Variants in RPTOR observed in about 807,000 individuals in gnomAD.
The protein encoded by RPTOR is regulatory-associated protein of mTOR.
In RPTOR, 21 loss-of-function variants were observed where a neutral mutation model predicts 169.9. The ratio of observed to expected loss-of-function variants is 0.12; its 90% CI spans 0.09 to 0.18. The LOEUF is 0.18. Ranked by LOEUF, RPTOR falls within the 10% of genes least tolerant of loss-of-function variation. RPTOR has a pLI of 1.00. For synonymous variants in RPTOR, 732 were observed against 753.2 expected (o/e 0.97, Z 0.46); for missense variants, 1,133 against 1,855.9 (o/e 0.61, Z 7.16).
At position 80,879,180 on chromosome 17, in the gene RPTOR, C is replaced by T. The variant is rs527419208; in HGVS notation, c.1510-1235C>T. Among the ~76,000 whole-genome samples, 3 of 152,258 alleles carry T rather than the reference C, an allele frequency of 2.0e-5. No homozygotes were observed. The South Asian group carries it at 6.2e-4, about 32-fold the overall frequency. Reference sequence around the variant, plus strand: ...TCCGGGATGAAAACGCAACCCACCTCTTCAGTGGGCAGCCCTCCACTTGGA... The same window carrying T: ...TCCGGGATGAAAACGCAACCCACCTTTTCAGTGGGCAGCCCTCCACTTGGA... On this transcript the variant is annotated intron_variant, in intron 13 of 33. Coordinates refer to ENST00000306801, the MANE Select transcript of RPTOR (RefSeq NM_020761.3).
At chr17:80,875,727 C>T (rs376229816) in intron 13 of RPTOR, among the ~76,000 whole-genome samples, 199 of 150,930 alleles carry the variant, frequency 1.3e-3, no homozygotes, top group East Asian at 8.3e-3. Context: ...CCACCGAGCC[C>T]GTGCCACGCA....
intron 6 of RPTOR, among the ~76,000 whole-genome samples, chr17:80,759,202 A>G (rs1332488906): frequency 6.6e-6 from 1 of 151,942 alleles, no homozygotes; most frequent in Non-Finnish European, 1.5e-5. Context: ...AAAAAAGTAA[A>G]ATAAAGAAGT....
At position 80,860,690 on chromosome 17, in the gene RPTOR, G is replaced by T. The variant is rs1160623038; in HGVS notation, c.1509+2790G>T. Among the ~76,000 whole-genome samples, 2 of 152,054 alleles carry T rather than the reference G, an allele frequency of 1.3e-5. No homozygotes were observed. The highest frequency in any genetic ancestry group is 4.8e-5 in the African/African-American group (2 of 41,398). On this transcript the variant is annotated intron_variant, in intron 13 of 33. Transcript: ENST00000306801. This position sits in a 1 kb window ranked among gnomAD's most constrained non-coding sequence, Gnocchi z 5.8. ...CTCGCTGGTTCCGCTGATTCTTGTA[G>T]ATTCCCTGGGATTTTCTGCTAGTTC... is the stretch of plus-strand genomic sequence containing the variant.
chr17:80,930,329 A>AGC (rs1303237080), intron 24 of RPTOR, among the ~76,000 whole-genome samples: 5 of 59,872 alleles, frequency 8.4e-5, no homozygotes, highest in Non-Finnish European at 1.3e-4. Context: ...AGCTCAGCTC[A>AGC]TCCTCAGCTC....
chr17:80,575,843 C>T (rs1352433125), intron 1 of RPTOR, among the ~76,000 whole-genome samples: 1 of 152,134 alleles, frequency 6.6e-6, no homozygotes, highest in Non-Finnish European at 1.5e-5. Context: ...TGTCTATTCT[C>T]CTTATTAGAC....
Position 80,936,829 on chromosome 17 carries a change from T to C in RPTOR, c.2920-3667T>C, listed in dbSNP as rs11653325. Among the ~76,000 whole-genome samples the C allele has an allele frequency of 0.92, 139,853 of 152,302 alleles. 64,395 individuals are homozygous for C. Among genetic ancestry groups the C allele is most frequent in the African/African-American group, 0.96 (39,957 of 41,572 alleles). On this transcript the variant is annotated intron_variant, in intron 24 of 33. Transcript: ENST00000306801. This position sits in a 1 kb window ranked among gnomAD's most constrained non-coding sequence, Gnocchi z 4.1. ...TAAATGCCTTGTTGAGGAGTGAACG[T>C]GCATAGCAAGCTCCGAGCTTCATTC...
intron 7 of RPTOR, among the ~76,000 whole-genome samples, chr17:80,794,613 A>AT (rs2067082627): frequency 1.3e-5 from 2 of 152,208 alleles, no homozygotes; most frequent in Admixed American, 1.3e-4. Flanking sequence ...CTGTGCGTGA[A>AT]TGTTTACGGT....
chr17:80,774,718 C>T (rs1011668453), intron 6 of RPTOR, among the ~76,000 whole-genome samples: 12 of 152,104 alleles, frequency 7.9e-5, no homozygotes, highest in African/African-American at 2.9e-4. Flanking sequence ...ATGGGGGCGG[C>T]CCCTGGGAAG....
At chr17:80,709,427 C>T (rs1411322902) in intron 4 of RPTOR, among the ~76,000 whole-genome samples, 2 of 152,168 alleles carry the variant, frequency 1.3e-5, no homozygotes, top group Non-Finnish European at 1.5e-5. Flanking sequence ...CTCTCAGGCA[C>T]GGCGAATCCG....
chr17:80,789,134 A>G (rs1423666268), intron 6 of RPTOR, among the ~76,000 whole-genome samples: 1 of 152,216 alleles, frequency 6.6e-6, no homozygotes, highest in Non-Finnish European at 1.5e-5. Flanking sequence ...CTCCCAGCCA[A>G]TAATTATTTT....
intron 25 of RPTOR, 101 bp from the exon 26 acceptor site, chr17:80,945,566 T>C (rs956116546): frequency 7.4e-6 from 5 of 672,512 alleles, no homozygotes; most frequent in Non-Finnish European, 1.2e-5. Flanking sequence ...CACTCCAGCC[T>C]GGGCGACAGA....
chr17:80,918,647 C>G (rs182427422), intron 21 of RPTOR, among the ~76,000 whole-genome samples: 6 of 152,300 alleles, frequency 3.9e-5, no homozygotes, highest in East Asian at 1.9e-4. Context: ...CATTCTAGTT[C>G]TGCTAGCTTT....
chr17:80,894,366 G>C (rs141649759), intron 20 of RPTOR, among the ~76,000 whole-genome samples: 10 of 152,200 alleles, frequency 6.6e-5, no homozygotes. Flanking sequence ...AGGGCCCTGC[G>C]GTCGGGCTGG....
intron 3 of RPTOR, among the ~76,000 whole-genome samples, chr17:80,647,565 G>A (rs1381145649): frequency 6.6e-6 from 1 of 151,444 alleles, no homozygotes; most frequent in Non-Finnish European, 1.5e-5. Context: ...CAGAAGCAGA[G>A]GCCACACCTC....
chr17:80,748,497 T>TTGGA (rs1555614491), intron 5 of RPTOR, among the ~76,000 whole-genome samples: 1 of 87,554 alleles, frequency 1.1e-5, no homozygotes, highest in Admixed American at 1.2e-4. Context: ...GGAGGGCCTG[T>TTGGA]TGGATGGAGG....
At chr17:80,602,239 C>T (rs1236377162) in intron 1 of RPTOR, among the ~76,000 whole-genome samples, 1 of 63,780 alleles carries the variant, frequency 1.6e-5, no homozygotes, top group Admixed American at 1.1e-4. Context: ...GCTGGCCGGT[C>T]GGGGGGCTGA....
Position 80,776,474 on chromosome 17 carries a change from C to T in RPTOR, c.831-14976C>T, listed in dbSNP as rs574671638. On this transcript the variant is annotated intron_variant, in intron 6 of 33. Transcript: ENST00000306801. ...AAGTAGCTGGGACTATAGGTGTGCA[C>T]CACAATGCCCAATACTAATTTTTGT... is the stretch of plus-strand genomic sequence containing the variant. Among the ~76,000 whole-genome samples the T allele has an allele frequency of 3.7e-3, 570 of 152,026 alleles. 7 individuals carry two copies. The highest frequency in any genetic ancestry group is 0.012 in the African/African-American group (507 of 41,474).
chr17:80,704,951 C>G (rs377299634), intron 3 of RPTOR, among the ~76,000 whole-genome samples: 93 of 152,380 alleles, frequency 6.1e-4, no homozygotes, highest in African/African-American at 2.0e-3. Context: ...ACAGGCTCCT[C>G]CAGAACATGT....
intron 24 of RPTOR, among the ~76,000 whole-genome samples, chr17:80,935,556 T>C (rs1352849626): frequency 6.6e-6 from 1 of 152,176 alleles, no homozygotes; most frequent in African/African-American, 2.4e-5. Context: ...TACACAAATA[T>C]GTTCAATTGA....
Sources: gnomAD v4.1 joint callset for allele counts (sites outside exome capture counted in the v4.1 genomes callset) on GRCh38, gnomAD v4.1.1 for gene constraint, Gnocchi (gnomAD v3.1) non-coding constraint, MANE v1.5 for transcripts, NCBI Gene and HGNC (gene_info 2026-07-23, HGNC 2026-07-21) for gene names.